IRAG2: variants seen among roughly 807,000 people sequenced by gnomAD.
The protein encoded by IRAG2 is inositol 1,4,5-triphosphate receptor associated 2.
Under a neutral mutation model 69.9 loss-of-function variants are expected in IRAG2, and 45 were observed. The ratio of observed to expected loss-of-function variants is 0.64; its 90% CI spans 0.51 to 0.83. IRAG2 has a LOEUF of 0.83. Ranked by LOEUF, IRAG2 falls within the 40% of genes least tolerant of loss-of-function variation. The probability of loss-of-function intolerance (pLI) is 0.00; values close to 1 mark genes in which losing one functional copy is unlikely to be tolerated. For missense variants in IRAG2, 520 were observed against 587.0 expected, an observed-to-expected ratio of 0.89 and a Z score of 1.18; for synonymous variants, 193 against 202.4, an observed-to-expected ratio of 0.95 and a Z score of 0.40.
At position 25,101,173 on chromosome 12, in the gene IRAG2, G is replaced by T; in HGVS notation, c.742-5G>T. On this transcript the variant is annotated splice_region_variant and splice_polypyrimidine_tract_variant and intron_variant, in intron 15 of 21. Coordinates refer to ENST00000556887, the MANE Select transcript of IRAG2 (RefSeq NM_001366544.2). ...TGTAAATGTGCTCGTTTTTTCTCTT[G>T]CTAGGAAAGCCGGGTTAGTAAAGCA... The T allele has an allele frequency of 6.3e-7, 1 of 1,588,098 alleles. No homozygotes were observed. Among genetic ancestry groups the T allele is most frequent in the African/African-American group, 1.4e-5 (1 of 73,692 alleles).
intron 1 of IRAG2, among the ~76,000 whole-genome samples, chr12:25,053,793 T>C (rs1945028690): frequency 6.6e-6 from 1 of 150,600 alleles, no homozygotes; most frequent in African/African-American, 2.4e-5. Flanking sequence ...TATATAATTA[T>C]AAATAATTAT....
rs565778760 is a variant in IRAG2 at position 25,053,766 on chromosome 12, GTTTA to G, written c.-447+814_-447+817del. 2.5e-3 allele frequency among the ~76,000 whole-genome samples: 375 copies of G among 150,896 alleles called. 2 individuals carry two copies. The highest frequency in any genetic ancestry group is 6.9e-3 in the Middle Eastern group (2 of 288). ...TTACTTGGTTTGAGAAATAAACATT[GTTTA>G]TTTGTTAATTGTTATATAATTATAA... On this transcript the variant is annotated intron_variant, in intron 1 of 21. Coordinates refer to ENST00000556887, the MANE Select transcript of IRAG2 (RefSeq NM_001366544.2).
At position 25,052,962 on chromosome 12, in the gene IRAG2, T is replaced by C. The variant is rs1402524442; in HGVS notation, c.-447+6T>C. 2.5e-6 allele frequency: 1 copy of C among 398,416 alleles called. No individual in the cohort carries two copies. Among genetic ancestry groups the C allele is most frequent in the Non-Finnish European group, 4.4e-6 (1 of 226,038 alleles). The allele number at this position is 398,416 out of a possible 1,614,324, so 24.7% of individuals were successfully genotyped here. The stretch of plus-strand genomic sequence containing the variant: ...GAAGACAAGGAAACTGAAGAGTGAG[T>C]AGCAAATATTCATTTATGACCCAGT... On this transcript the variant is annotated splice_donor_region_variant and intron_variant, in intron 1 of 21. Transcript: ENST00000556887.
chr12:25,023,498 C>T (rs967972537), intron 7 of IRAG2, among the ~76,000 whole-genome samples: 8 of 151,920 alleles, frequency 5.3e-5, no homozygotes, highest in African/African-American at 1.9e-4. Flanking sequence ...CTGAGAATAT[C>T]CACAGCTTCA....
chr12:25,042,952 A>G (rs953196157), intron 16 of IRAG2, among the ~76,000 whole-genome samples: 1 of 151,658 alleles, frequency 6.6e-6, no homozygotes, highest in African/African-American at 2.4e-5. Flanking sequence ...TTGAAAATAT[A>G]GACTATTCCT....
upstream of IRAG2, chr12:25,004,242 A>C (rs953198507): frequency 1.2e-6 from 1 of 837,906 alleles, no homozygotes; most frequent in African/African-American, 1.8e-5. Context: ...TAAATTGCCT[A>C]TTGCTAAATT....
Position 25,058,181 on chromosome 12 carries a change from C to T in IRAG2, c.-446-3411C>T, listed in dbSNP as rs530302887. Among the ~76,000 whole-genome samples the T allele has an allele frequency of 3.9e-5, 6 of 152,230 alleles. No individual in the cohort carries two copies. In the South Asian group the frequency reaches 8.3e-4, roughly 21 times the overall value. ...TTTTAAGAAACTGTCAAATGGTTTT[C>T]GGTAGTTTTTATAGCATTTCACGCT... On this transcript the variant is annotated intron_variant, in intron 1 of 21. Coordinates refer to ENST00000556887, the MANE Select transcript of IRAG2 (RefSeq NM_001366544.2).
At chr12:25,012,248 G>A (rs573427280) in intron 3 of IRAG2, among the ~76,000 whole-genome samples, 15 of 148,634 alleles carry the variant, frequency 1.0e-4, no homozygotes, top group African/African-American at 2.5e-4. Context: ...GCTGCCTCCC[G>A]GGTTCAAGCA....
At chr12:25,004,560 C>T in exon 1 of IRAG2, 1 of 1,232,144 alleles carries the variant, frequency 8.1e-7, no homozygotes, top group Non-Finnish European at 1.0e-6. Flanking sequence ...CTACGCCCGG[C>T]TCTCATTGGT....
intron 10 of IRAG2, among the ~76,000 whole-genome samples, chr12:25,084,036 T>TA (rs11394304): frequency 0.68 from 103,832 of 152,022 alleles, 36,256 homozygotes; most frequent in East Asian, 0.88. Context: ...TAAAGCTCTA[T>TA]AAACATAAGG....
At chr12:25,077,404 TACAC>T (rs1946901464) in intron 6 of IRAG2, among the ~76,000 whole-genome samples, 1 of 136,738 alleles carries the variant, frequency 7.3e-6, no homozygotes, top group African/African-American at 2.8e-5. Context: ...GAAATATATA[TACAC>T]ATAATAGTAT....
intron 3 of IRAG2, among the ~76,000 whole-genome samples, chr12:25,063,342 G>A (rs747963408): frequency 7.2e-5 from 11 of 152,118 alleles, no homozygotes; most frequent in Non-Finnish European, 1.3e-4. Context: ...ATGAACCACC[G>A]CACCCGGCCT....
At chr12:25,057,014 C>G (rs1945298380) in intron 1 of IRAG2, among the ~76,000 whole-genome samples, 1 of 152,154 alleles carries the variant, frequency 6.6e-6, no homozygotes. Flanking sequence ...GTTAGCCTCG[C>G]TGCCTCTATC....
At chr12:25,104,526 T>C in intron 20 of IRAG2, 64 bp downstream of exon 20, 3 of 880,006 alleles carry the variant, frequency 3.4e-6, no homozygotes, top group Non-Finnish European at 5.8e-6. Context: ...TGGGAATCAC[T>C]TTTATTCCAT....
intron 2 of IRAG2, among the ~76,000 whole-genome samples, chr12:25,011,107 T>G (rs1043643490): frequency 6.6e-6 from 1 of 152,170 alleles, no homozygotes; most frequent in African/African-American, 2.4e-5. Flanking sequence ...CGTCCCCATC[T>G]CAGATAAAGA....
At chr12:25,083,544 A>G (rs1246777743) in intron 10 of IRAG2, 51 bp downstream of exon 10, 1 of 1,076,388 alleles carries the variant, frequency 9.3e-7, no homozygotes, top group Admixed American at 1.9e-5. Flanking sequence ...TTACAATGGT[A>G]GAACTATCCC....
intron 6 of IRAG2, 82 bp downstream of exon 6, chr12:25,069,513 CTTTTTTA>C (rs1555136499): frequency 6.3e-6 from 8 of 1,275,864 alleles, no homozygotes; most frequent in Admixed American, 4.0e-5. Context: ...TTTTCCCTGT[CTTTTTTA>C]TTTTTTAAGT....
At chr12:25,103,965 C>T (rs199954634) in intron 18 of IRAG2, 44 bp from the exon 19 acceptor site, 20 of 1,586,714 alleles carry the variant, frequency 1.3e-5, no homozygotes, top group East Asian at 4.5e-5. Flanking sequence ...AAAATATAAA[C>T]GTATATTTTA....
At chr12:25,012,199 G>A (rs1454500216) in intron 3 of IRAG2, among the ~76,000 whole-genome samples, 2 of 142,176 alleles carry the variant, frequency 1.4e-5, no homozygotes, top group Non-Finnish European at 3.0e-5. Context: ...CTGTTGCCCA[G>A]GCTGGAATAC....
Sources: allele counts gnomAD v4.1 joint callset (sites outside exome capture counted in the v4.1 genomes callset), GRCh38; gene constraint gnomAD v4.1.1; transcripts MANE v1.5; gene names NCBI Gene and HGNC (gene_info 2026-07-23, HGNC 2026-07-21).